Variants in PGS1 observed in about 807,000 individuals in gnomAD.
PGS1 encodes the protein phosphatidylglycerophosphate synthase 1, also known as CDP-diacylglycerol--glycerol-3-phosphate 3-phosphatidyltransferase, mitochondrial.
Under a neutral mutation model 58.3 loss-of-function variants are expected in PGS1, and 44 were observed. That is an observed-to-expected ratio of 0.75 (90% CI 0.59 to 0.97). The LOEUF is 0.97. Among genes scored for constraint, PGS1 ranks in the 50% least tolerant of loss-of-function variants. The probability of loss-of-function intolerance (pLI) is 0.00; values close to 1 mark genes in which losing one functional copy is unlikely to be tolerated. For missense variants in PGS1, 684 were observed against 731.1 expected, an observed-to-expected ratio of 0.94 and a Z score of 0.74; for synonymous variants, 330 against 311.0, an observed-to-expected ratio of 1.06 and a Z score of -0.64.
chr17:78,398,465 TC>T, intron 4 of PGS1, 114 bp downstream of exon 4: 1 of 764,904 alleles, frequency 1.3e-6, no homozygotes, highest in Middle Eastern at 3.6e-4. Context: ...TTGAAGATCA[TC>T]CAAGCTGGCC....
chr17:78,391,981 T>A (rs1692611210), intron 1 of PGS1, among the ~76,000 whole-genome samples: 1 of 152,204 alleles, frequency 6.6e-6, no homozygotes, highest in South Asian at 2.1e-4. Flanking sequence ...TGAATAGAAA[T>A]CTTGTTTATC....
chr17:78,411,832 G>A (rs188901754), intron 7 of PGS1, among the ~76,000 whole-genome samples: 198 of 151,818 alleles, frequency 1.3e-3, no homozygotes, highest in Non-Finnish European at 2.4e-3. Flanking sequence ...CTGGTGGTGC[G>A]GGTCTGACCG....
intron 1 of PGS1, among the ~76,000 whole-genome samples, chr17:78,385,531 C>T (rs527553650): frequency 5.9e-5 from 9 of 152,292 alleles, no homozygotes; most frequent in Admixed American, 2.0e-4. Context: ...CGTCGTGATC[C>T]GCCTGCTTCG....
rs201682545 is a variant in PGS1, at chr17:78,424,148, G to T, written c.*98G>T. Reference sequence around the variant, plus strand: ...ATGACTCCAGTCTGGGTGTCCCAGCGAGCCCCTGCAGGGACAGTATGGCTG... The same window carrying T: ...ATGACTCCAGTCTGGGTGTCCCAGCTAGCCCCTGCAGGGACAGTATGGCTG... On this transcript the variant is annotated 3_prime_UTR_variant, in exon 10 of 10. Transcript: ENST00000262764. The T allele has an allele frequency of 6.2e-7, 1 of 1,610,516 alleles. No individual in the cohort carries two copies. The highest frequency in any genetic ancestry group is 8.5e-7 in the Non-Finnish European group (1 of 1,178,670).
intron 3 of PGS1, chr17:78,397,950 G>A (rs188911609): frequency 2.0e-4 from 96 of 485,482 alleles, no homozygotes; most frequent in African/African-American, 1.8e-3. Context: ...ATGTACGTGA[G>A]ACCTGGTGTC....
At chr17:78,419,434 G>T in intron 8 of PGS1, 112 bp from the exon 9 acceptor site, 1 of 894,982 alleles carries the variant, frequency 1.1e-6, no homozygotes. Flanking sequence ...AGGTAGACAT[G>T]GGAAGTCAGG....
At chr17:78,399,653 C>G (rs1396995165) in intron 5 of PGS1, 116 bp downstream of exon 5, 19 of 1,031,854 alleles carry the variant, frequency 1.8e-5, no homozygotes, top group Non-Finnish European at 2.7e-5. Context: ...GCTTGTAGGT[C>G]TGGCTGCTGT....
chr17:78,410,488 T>C (rs1454738196), intron 7 of PGS1, among the ~76,000 whole-genome samples: 3 of 44,336 alleles, frequency 6.8e-5, no homozygotes, highest in Non-Finnish European at 1.3e-4. Context: ...TTTTTTTTTT[T>C]TTTGGGACGG....
chr17:78,415,995 C>G (rs1158029390), intron 8 of PGS1, among the ~76,000 whole-genome samples: 1 of 152,214 alleles, frequency 6.6e-6, no homozygotes, highest in Non-Finnish European at 1.5e-5. Flanking sequence ...TTGGGAATAA[C>G]TGTTGCAAAA....
At chr17:78,419,872 C>T (rs1208867780) in intron 9 of PGS1, 197 bp downstream of exon 9, 1 of 1,329,616 alleles carries the variant, frequency 7.5e-7, no homozygotes, top group Non-Finnish European at 9.7e-7. Context: ...AGTCTGTTCA[C>T]TTTCCATCTG....
rs5822252 is a variant in PGS1, at chr17:78,389,053, C to CTTTTTTT, written c.144-3407_144-3401dup. ...TGCCAAGGAGTGTTTCCTCTTCTTC[C>CTTTTTTT]TTTTTTTTTTTTTTTTTTTTTTGCG... On this transcript the variant is annotated intron_variant, in intron 1 of 9. Coordinates refer to ENST00000262764, the MANE Select transcript of PGS1 (RefSeq NM_024419.5). Among the ~76,000 whole-genome samples, 486 of 95,964 alleles carry CTTTTTTT rather than the reference C, an allele frequency of 5.1e-3. 21 individuals are homozygous for CTTTTTTT. Among genetic ancestry groups the CTTTTTTT allele is most frequent in the African/African-American group, 0.015 (340 of 23,186 alleles). 63.0% of individuals were successfully genotyped at this position (95,964 alleles called of 152,430 possible). A position where few individuals can be genotyped will look rare whatever the true frequency, so the allele number is the denominator to read the frequency against.
At position 78,403,608 on chromosome 17, in the gene PGS1, C is replaced by A. The variant is rs1473915713; in HGVS notation, c.921C>A (p.Val307=). 2 of 1,614,042 alleles carry A rather than the reference C, an allele frequency of 1.2e-6. No homozygotes were observed. Among genetic ancestry groups the A allele is most frequent in the Non-Finnish European group, 1.7e-6 (2 of 1,179,976 alleles). ...AEYCKAANKR[V]MDVINSARTR... is the part of the protein sequence containing the mutation. ...ACTGCAAGGCAGCCAATAAGAGGGT[C>A]ATGGATGTGATCAACTCAGCCAGGA... Residue 307 remains valine, a synonymous_variant, in exon 7 of 10, where the codon GTC becomes GTA. Coordinates refer to ENST00000262764, the MANE Select transcript of PGS1 (RefSeq NM_024419.5).
chr17:78,416,767 AAT>A (rs1160982104), intron 8 of PGS1, among the ~76,000 whole-genome samples: 5 of 152,310 alleles, frequency 3.3e-5, no homozygotes, highest in Non-Finnish European at 5.9e-5. Context: ...GAAACGCAGA[AAT>A]ATGTTTCCAG....
rs1346164672 is a variant in PGS1 at position 78,403,823 on chromosome 17, G to C, written c.1136G>C (p.Gly379Ala). Residue 379 changes from glycine to alanine, a missense_variant, in exon 7 of 10, where the codon GGG becomes GCG. Gly to Ala is a moderately conservative substitution (Grantham distance 60). Coordinates refer to ENST00000262764, the MANE Select transcript of PGS1 (RefSeq NM_024419.5). Reference protein sequence around the residue: ...TETLLTEAERGAKVYLTTGYF... With the variant: ...TETLLTEAERAAKVYLTTGYF... Reference sequence around the variant, plus strand: ...ACCCTGTTGACTGAGGCGGAGCGCGGGGCAAAGGTCTACCTCACCACTGGC... The same window carrying C: ...ACCCTGTTGACTGAGGCGGAGCGCGCGGCAAAGGTCTACCTCACCACTGGC... 1 of 1,614,234 alleles carries C rather than the reference G, an allele frequency of 6.2e-7. No homozygotes were observed. Among genetic ancestry groups the C allele is most frequent in the African/African-American group, 1.3e-5 (1 of 75,050 alleles).
intron 1 of PGS1, among the ~76,000 whole-genome samples, chr17:78,385,239 C>G (rs563213334): frequency 6.6e-6 from 1 of 152,304 alleles, no homozygotes; most frequent in East Asian, 1.9e-4. Flanking sequence ...GTGCCTCAAC[C>G]TCCCAAGTAG....
At chr17:78,397,591 C>CCCG (rs1555631830) in intron 3 of PGS1, among the ~76,000 whole-genome samples, 1 of 130,108 alleles carries the variant, frequency 7.7e-6, no homozygotes, top group Non-Finnish European at 1.8e-5. Context: ...CATGCGCCAC[C>CCCG]CCCCCAGCTA....
At chr17:78,386,448 GC>G (rs997407009) in intron 1 of PGS1, among the ~76,000 whole-genome samples, 1 of 152,134 alleles carries the variant, frequency 6.6e-6, no homozygotes, top group Non-Finnish European at 1.5e-5. Flanking sequence ...TGACTCCCCA[GC>G]CCCCACCACT....
intron 1 of PGS1, among the ~76,000 whole-genome samples, chr17:78,389,053 CT>C (rs5822252): frequency 0.15 from 14,279 of 95,740 alleles, 503 homozygotes; most frequent in East Asian, 0.23. Flanking sequence ...CCTCTTCTTC[CT>C]TTTTTTTTTT....
intron 1 of PGS1, 138 bp from the exon 2 acceptor site, chr17:78,392,338 C>G (rs1040426387): frequency 1.7e-6 from 1 of 578,092 alleles, no homozygotes; most frequent in Middle Eastern, 4.8e-4. Flanking sequence ...TTAAAATGTT[C>G]TAGAAAATCT....
Sources: allele counts gnomAD v4.1 joint callset (sites outside exome capture counted in the v4.1 genomes callset), GRCh38; gene constraint gnomAD v4.1.1; transcripts MANE v1.5; gene names NCBI Gene and HGNC (gene_info 2026-07-23, HGNC 2026-07-21).